Variants in FANCL observed in about 807,000 individuals in gnomAD.
FANCL encodes FA complementation group L.
A neutral mutation model predicts 59.4 loss-of-function variants in FANCL; 69 were observed. That is an observed-to-expected ratio of 1.16 (90% CI 0.96 to 1.42). The LOEUF (loss-of-function observed/expected upper bound fraction) is 1.42, where lower values mean the gene tolerates loss of function less well. Among genes scored for constraint, FANCL ranks in the 40% most tolerant of loss-of-function variants. The pLI, the probability that FANCL is intolerant of heterozygous loss-of-function variation, is 0.00. For missense variants in FANCL, 519 were observed against 447.2 expected (o/e 1.16, Z -1.45); for synonymous variants, 180 against 147.1 (o/e 1.22, Z -1.62).
At chr2:58,219,153 AAAAAAAAAAAAAAAAAAAATATAT>A (rs1692159411) in intron 5 of FANCL, among the ~76,000 whole-genome samples, 1 of 73,942 alleles carries the variant, frequency 1.4e-5, no homozygotes, top group Non-Finnish European at 2.4e-5. Context: ...AAAAAAAAAA[AAAAAAAAAAAAAAAAAAAATATAT>A]ATATATATAT....
At chr2:58,202,003 T>G (rs538735294) in intron 6 of FANCL, among the ~76,000 whole-genome samples, 4 of 151,906 alleles carry the variant, frequency 2.6e-5, no homozygotes, top group African/African-American at 9.6e-5. Flanking sequence ...AAACTTAGTT[T>G]GGATTAAGAT....
intron 1 of FANCL, among the ~76,000 whole-genome samples, chr2:58,234,789 C>A (rs530248391): frequency 1.3e-5 from 2 of 151,636 alleles, no homozygotes; most frequent in Non-Finnish European, 2.9e-5. Flanking sequence ...CTTCTTAAAG[C>A]AAATTAAAAA....
chr2:58,200,113 A>G (rs957263041), intron 6 of FANCL, among the ~76,000 whole-genome samples: 17 of 151,936 alleles, frequency 1.1e-4, no homozygotes, highest in Non-Finnish European at 2.4e-4. Context: ...GAAAAAAAAA[A>G]AAAGAAAAAA....
At chr2:58,172,677 A>G (rs1246009165) in intron 7 of FANCL, among the ~76,000 whole-genome samples, 1 of 152,182 alleles carries the variant, frequency 6.6e-6, no homozygotes, top group Non-Finnish European at 1.5e-5. Context: ...TAAAACCACA[A>G]AGATGGGGAA....
At chr2:58,215,931 A>C (rs902517472) in intron 5 of FANCL, among the ~76,000 whole-genome samples, 1 of 152,036 alleles carries the variant, frequency 6.6e-6, no homozygotes, top group South Asian at 2.1e-4. Context: ...TCATAATACA[A>C]GGAGAAATTA....
intron 7 of FANCL, among the ~76,000 whole-genome samples, chr2:58,166,791 G>C (rs1327909661): frequency 6.6e-6 from 1 of 152,210 alleles, no homozygotes; most frequent in Non-Finnish European, 1.5e-5. Flanking sequence ...CCTTAAACAT[G>C]TATTTTATAC....
intron 7 of FANCL, among the ~76,000 whole-genome samples, chr2:58,184,225 C>A (rs1366720439): frequency 1.3e-5 from 2 of 151,896 alleles, no homozygotes; most frequent in Non-Finnish European, 1.5e-5. Flanking sequence ...ATTTAATATA[C>A]AATAACAATT....
intron 7 of FANCL, among the ~76,000 whole-genome samples, chr2:58,190,883 A>G (rs1573642225): frequency 1.3e-5 from 2 of 151,924 alleles, no homozygotes; most frequent in African/African-American, 4.8e-5. Context: ...TTTGGCACAA[A>G]AAGATGAGGG....
chr2:58,230,112 T>A (rs1693425546), intron 2 of FANCL, among the ~76,000 whole-genome samples: 1 of 152,166 alleles, frequency 6.6e-6, no homozygotes, highest in Admixed American at 6.6e-5. Flanking sequence ...ACATCTTGTT[T>A]TTTAACTTTA....
At position 58,175,297 on chromosome 2, in the gene FANCL, A is replaced by C. The variant is rs1290384547; in HGVS notation, c.541-9423T>G. On this transcript the variant is annotated intron_variant, in intron 7 of 13. Transcript: ENST00000233741. ...TAACTCATTTTATGAGGCCAGCATC[A>C]TTCTGATACCAAAGCCGGGCAGAGA... Among the ~76,000 whole-genome samples the C allele has an allele frequency of 2.7e-5, 4 of 149,284 alleles. No homozygotes were observed. The East Asian group carries it at 7.8e-4, about 29-fold the overall frequency.
At chr2:58,179,179 T>C (rs1336436611) in intron 7 of FANCL, among the ~76,000 whole-genome samples, 1 of 152,172 alleles carries the variant, frequency 6.6e-6, no homozygotes, top group Non-Finnish European at 1.5e-5. Context: ...ATAGATTCAA[T>C]GCTATCCCCA....
intron 7 of FANCL, 107 bp downstream of exon 7, chr2:58,198,487 G>T: frequency 1.2e-6 from 1 of 855,876 alleles, no homozygotes; most frequent in Non-Finnish European, 1.9e-6. Flanking sequence ...CATGGATTTT[G>T]GTATTTACAG....
intron 2 of FANCL, among the ~76,000 whole-genome samples, chr2:58,231,422 T>C (rs141026552): frequency 7.9e-5 from 12 of 152,344 alleles, no homozygotes; most frequent in African/African-American, 2.9e-4. Context: ...ACCTCTTCTC[T>C]AGCTTAGAGA....
intron 5 of FANCL, among the ~76,000 whole-genome samples, chr2:58,214,670 T>G (rs1398578654): frequency 1.3e-5 from 2 of 151,754 alleles, no homozygotes; most frequent in African/African-American, 4.8e-5. Context: ...CCTAATTTAT[T>G]TATTTATTTA....
At chr2:58,180,048 C>A (rs141272602) in intron 7 of FANCL, among the ~76,000 whole-genome samples, 4 of 152,114 alleles carry the variant, frequency 2.6e-5, no homozygotes, top group Non-Finnish European at 5.9e-5. Flanking sequence ...GTTAGAATGG[C>A]GATCATTAAA....
In FANCL at chr2:58,241,293, G is replaced by T; in HGVS notation, c.21C>A (p.Ser7Arg). Residue 7 changes from serine to arginine, a missense_variant, in exon 1 of 14, where the codon AGC (serine) becomes AGA (arginine). Transcript: ENST00000233741. ...GAAGCAGGGGGCACTGGCGCAACAG[G>T]CTCGCTTCCGTCACCGCCATGGCTC... MAVTEA[S>R]LLRQCPLLLP... 6 of 1,614,244 alleles carry T rather than the reference G, an allele frequency of 3.7e-6. No individual in the cohort carries two copies. The highest frequency in any genetic ancestry group is 5.1e-6 in the Non-Finnish European group (6 of 1,180,036).
At chr2:58,189,517 A>C (rs997709618) in intron 7 of FANCL, among the ~76,000 whole-genome samples, 4 of 152,152 alleles carry the variant, frequency 2.6e-5, no homozygotes, top group Non-Finnish European at 4.4e-5. Context: ...ATGTATATAT[A>C]TTGGAGAAGA....
At chr2:58,187,043 G>C (rs1480012072) in intron 7 of FANCL, among the ~76,000 whole-genome samples, 1 of 152,062 alleles carries the variant, frequency 6.6e-6, no homozygotes, top group Admixed American at 6.6e-5. Flanking sequence ...AATACCATTT[G>C]ACCCAGCAAT....
chr2:58,232,853 T>G (rs1161829316), intron 1 of FANCL, among the ~76,000 whole-genome samples: 1 of 151,804 alleles, frequency 6.6e-6, no homozygotes, highest in African/African-American at 2.4e-5. Flanking sequence ...TGAGCAAAAA[T>G]AGCAGAAAAA....
Sources: gnomAD v4.1 joint callset for allele counts (sites outside exome capture counted in the v4.1 genomes callset) on GRCh38, gnomAD v4.1.1 for gene constraint, MANE v1.5 for transcripts, NCBI Gene and HGNC (gene_info 2026-07-23, HGNC 2026-07-21) for gene names.